RASAL2: variants seen among roughly 807,000 people sequenced by gnomAD.
RASAL2 encodes the protein RAS protein activator like 2.
RASAL2 carries 58 observed loss-of-function variants against 128.9 expected under a neutral mutation model. The observed-to-expected ratio is 0.45, with a 90% CI of 0.36 to 0.56. RASAL2 has a LOEUF of 0.56. Among genes scored for constraint, RASAL2 ranks in the 20% least tolerant of loss-of-function variants. The probability of loss-of-function intolerance (pLI) is 0.00; values close to 1 mark genes in which losing one functional copy is unlikely to be tolerated. For missense variants in RASAL2, 1,360 were observed against 1,601.6 expected, an observed-to-expected ratio of 0.85 and a Z score of 2.57; for synonymous variants, 561 against 580.8, an observed-to-expected ratio of 0.97 and a Z score of 0.49.
chr1:178,368,688 A>C (rs748513536), intron 3 of RASAL2, among the ~76,000 whole-genome samples: 2 of 151,448 alleles, frequency 1.3e-5, no homozygotes, highest in African/African-American at 4.9e-5. Context: ...CCTAGACTGC[A>C]GCACAGTGGC....
intron 3 of RASAL2, among the ~76,000 whole-genome samples, chr1:178,337,407 C>G (rs967644919): frequency 3.3e-5 from 5 of 152,120 alleles, no homozygotes; most frequent in Admixed American, 3.3e-4. Flanking sequence ...GTTTGTCATT[C>G]AAATGATAAA....
intron 4 of RASAL2, among the ~76,000 whole-genome samples, chr1:178,406,074 T>C (rs777636113): frequency 3.3e-5 from 5 of 152,220 alleles, no homozygotes; most frequent in Non-Finnish European, 7.3e-5. Flanking sequence ...CATGTCGTCT[T>C]GTTATTTGTG....
At chr1:178,457,272 G>T (rs1322612248) in intron 13 of RASAL2, among the ~76,000 whole-genome samples, 2 of 152,236 alleles carry the variant, frequency 1.3e-5, no homozygotes, top group Non-Finnish European at 2.9e-5. Flanking sequence ...TAGATACAAT[G>T]TCGATGCTTA....
At chr1:178,414,097 A>G (rs1674591779) in intron 4 of RASAL2, among the ~76,000 whole-genome samples, 1 of 152,248 alleles carries the variant, frequency 6.6e-6, no homozygotes, top group Middle Eastern at 3.2e-3. Flanking sequence ...ATGCTCCTTG[A>G]CTTACAATAG....
At chr1:178,188,217 C>T (rs1360237899) in intron 1 of RASAL2, among the ~76,000 whole-genome samples, 1 of 152,148 alleles carries the variant, frequency 6.6e-6, no homozygotes, top group African/African-American at 2.4e-5. Flanking sequence ...TTGTAACTCC[C>T]TTTTCTTTGG....
At chr1:178,175,792 A>G (rs1233165476) in intron 1 of RASAL2, among the ~76,000 whole-genome samples, 2 of 152,050 alleles carry the variant, frequency 1.3e-5, no homozygotes, top group Non-Finnish European at 2.9e-5. Flanking sequence ...GAGAGAACAT[A>G]TGGTATTTGG....
chr1:178,300,124 C>A lies in RASAL2; in HGVS notation c.457+6C>A, dbSNP rs760324817. 5.0e-6 allele frequency: 8 copies of A among 1,603,246 alleles called. No homozygotes were observed. The African/African-American group carries it at 9.4e-5, about 19-fold the overall frequency. On this transcript the variant is annotated splice_donor_region_variant and intron_variant, in intron 3 of 17. Transcript: ENST00000367649. The stretch of plus-strand genomic sequence containing the variant: ...AGAGGGCGCCACTAAACTGGGTAAG[C>A]TACTATGAAAAGGAAATAAATTCCT...
chr1:178,319,781 T>C (rs1571849863), intron 3 of RASAL2, among the ~76,000 whole-genome samples: 1 of 152,318 alleles, frequency 6.6e-6, no homozygotes, highest in African/African-American at 2.4e-5. Context: ...TCTGAAGCCT[T>C]CTTCTCTCAG....
rs60835442 is a variant in RASAL2, at chr1:178,373,274, C to CTTTTTTTTTTTTTTTTTTTTTTTTTTTT, written c.458-16811_458-16810insTTTTTTTTTTTTTTTTTTTTTTTTTTTT. Among the ~76,000 whole-genome samples the CTTTTTTTTTTTTTTTTTTTTTTTTTTTT allele has an allele frequency of 5.7e-4, 34 of 60,054 alleles. 6 individuals carry two copies. Among genetic ancestry groups the CTTTTTTTTTTTTTTTTTTTTTTTTTTTT allele is most frequent in the East Asian group, 2.1e-3 (4 of 1,882 alleles). The allele number at this position is 60,054 out of a possible 152,430, so 39.4% of individuals were successfully genotyped here. A position where few individuals can be genotyped will look rare whatever the true frequency, so the allele number is the denominator to read the frequency against. ...TCAATCTTAGCATTCTGTTTCTTTC[C>CTTTTTTTTTTTTTTTTTTTTTTTTTTTT]TTTTTTTTTTTTTTTGCAGTTTAGA... On this transcript the variant is annotated intron_variant, in intron 3 of 17. Transcript: ENST00000367649.
chr1:178,258,246 A>G (rs1337815512), intron 1 of RASAL2, among the ~76,000 whole-genome samples: 2 of 149,468 alleles, frequency 1.3e-5, no homozygotes, highest in Non-Finnish European at 3.0e-5. Context: ...GTGAGCCAAG[A>G]TCGCGCCACT....
intron 3 of RASAL2, among the ~76,000 whole-genome samples, chr1:178,354,475 T>C (rs1178817610): frequency 6.6e-6 from 1 of 152,220 alleles, no homozygotes; most frequent in Non-Finnish European, 1.5e-5. Flanking sequence ...CACATTGTAT[T>C]GGAGGTCTCA....
chr1:178,454,680 T>C, intron 12 of RASAL2, 32 bp downstream of exon 12: 1 of 1,577,646 alleles, frequency 6.3e-7, no homozygotes, highest in South Asian at 1.1e-5. Flanking sequence ...TAGAGAACTT[T>C]AATGTACCTG....
intron 3 of RASAL2, among the ~76,000 whole-genome samples, chr1:178,348,151 A>G (rs553465824): frequency 1.3e-5 from 2 of 152,346 alleles, no homozygotes; most frequent in African/African-American, 4.8e-5. Flanking sequence ...TGCCAAGGAT[A>G]CATAAGAGAG....
At chr1:178,103,978 A>G (rs1254714223) in intron 1 of RASAL2, among the ~76,000 whole-genome samples, 6 of 151,988 alleles carry the variant, frequency 3.9e-5, no homozygotes, top group African/African-American at 1.4e-4. Flanking sequence ...TCAGAATAGG[A>G]AAGCCCATTC....
At chr1:178,317,599 T>C (rs1668550255) in intron 3 of RASAL2, among the ~76,000 whole-genome samples, 2 of 149,928 alleles carry the variant, frequency 1.3e-5, no homozygotes, top group South Asian at 2.1e-4. Flanking sequence ...TGTAGTATTC[T>C]CTGATGGTAG....
chr1:178,367,155 A>G (rs907975996), intron 3 of RASAL2, among the ~76,000 whole-genome samples: 1 of 152,156 alleles, frequency 6.6e-6, no homozygotes, highest in South Asian at 2.1e-4. Context: ...AGGTAAGTCA[A>G]AGACCCCTAA....
intron 3 of RASAL2, among the ~76,000 whole-genome samples, chr1:178,343,844 T>C (rs1046171832): frequency 2.0e-5 from 3 of 152,068 alleles, no homozygotes; most frequent in Admixed American, 6.6e-5. Flanking sequence ...AAGATAAATT[T>C]TATTTTTAAA....
intron 2 of RASAL2, among the ~76,000 whole-genome samples, chr1:178,293,353 A>C (rs753619106): frequency 6.6e-5 from 10 of 152,228 alleles, no homozygotes; most frequent in Non-Finnish European, 1.0e-4. Flanking sequence ...AGGAAAGCTT[A>C]ATAAAAGAAG....
intron 1 of RASAL2, among the ~76,000 whole-genome samples, chr1:178,257,969 T>G (rs931940883): frequency 6.6e-6 from 1 of 151,222 alleles, no homozygotes; most frequent in Non-Finnish European, 1.5e-5. Context: ...TTGGACTTCA[T>G]CAATATTTAA....
Sources: gnomAD v4.1 joint callset for allele counts (sites outside exome capture counted in the v4.1 genomes callset) on GRCh38, gnomAD v4.1.1 for gene constraint, MANE v1.5 for transcripts, NCBI Gene and HGNC (gene_info 2026-07-23, HGNC 2026-07-21) for gene names.